Variants in CCDC171 observed in about 807,000 individuals in gnomAD.
CCDC171 encodes coiled-coil domain containing 171.
A neutral mutation model predicts 168.2 loss-of-function variants in CCDC171; 177 were observed. The ratio of observed to expected loss-of-function variants is 1.05; its 90% CI spans 0.93 to 1.19. The LOEUF (loss-of-function observed/expected upper bound fraction) is 1.19. Among genes scored for constraint, CCDC171 ranks in the 50% most tolerant of loss-of-function variants. CCDC171 has a pLI of 0.00. For missense variants in CCDC171, 1,991 were observed against 1,539.0 expected, an observed-to-expected ratio of 1.29 and a Z score of -4.91; for synonymous variants, 687 against 540.8, an observed-to-expected ratio of 1.27 and a Z score of -3.75.
At chr9:15,626,077 G>C (rs1271826023) in intron 7 of CCDC171, among the ~76,000 whole-genome samples, 1 of 152,070 alleles carries the variant, frequency 6.6e-6, no homozygotes, top group Non-Finnish European at 1.5e-5. Flanking sequence ...TCTCTTTGTA[G>C]CAATCATGAT....
intron 11 of CCDC171, among the ~76,000 whole-genome samples, chr9:15,719,392 G>C (rs1265050754): frequency 1.9e-5 from 2 of 107,268 alleles, no homozygotes; most frequent in African/African-American, 6.9e-5. Flanking sequence ...AGGCTGGCGG[G>C]GGGGTGGGGG....
the CCDC171 span, among the ~76,000 whole-genome samples, chr9:16,105,852 G>A: frequency 6.6e-6 from 1 of 152,178 alleles, no homozygotes; most frequent in African/African-American, 2.4e-5. Flanking sequence ...GGGCATGTGT[G>A]TATGAGTTTG....
At chr9:16,064,857 G>T (rs1833974874), downstream of CCDC171, among the ~76,000 whole-genome samples, 1 of 152,190 alleles carries the variant, frequency 6.6e-6, no homozygotes, top group Non-Finnish European at 1.5e-5. Flanking sequence ...AGCCCTCGAA[G>T]TTCATGGTTT....
chr9:15,956,108 A>G (rs1829771211), intron 25 of CCDC171, among the ~76,000 whole-genome samples: 2 of 152,196 alleles, frequency 1.3e-5, no homozygotes, highest in Admixed American at 1.3e-4. Flanking sequence ...GCAGTGTTCA[A>G]TATAACAAAT....
chr9:15,670,177 T>A (rs992030128), intron 9 of CCDC171, among the ~76,000 whole-genome samples: 3 of 152,078 alleles, frequency 2.0e-5, no homozygotes, highest in Admixed American at 1.3e-4. Context: ...AGGAGCCAGC[T>A]TTTTTGTCCG....
At chr9:15,709,058 G>T (rs2052460246) in intron 11 of CCDC171, among the ~76,000 whole-genome samples, 1 of 152,090 alleles carries the variant, frequency 6.6e-6, no homozygotes, top group South Asian at 2.1e-4. Flanking sequence ...GGTACATTTA[G>T]AACAGAGTGG....
rs1252255537 is a variant in CCDC171, at chr9:15,817,536, C to T, written c.3268-29166C>T. On this transcript the variant is annotated intron_variant, in intron 21 of 25. Coordinates refer to ENST00000380701, the MANE Select transcript of CCDC171 (RefSeq NM_173550.4). ...CCAAAGGGCTTAACAAACAGCACAC[C>T]AGGAGATTATATCCAGCACCTGGCT... 1.7e-5 allele frequency among the ~76,000 whole-genome samples: 2 copies of T among 118,596 alleles called. 1 individual carries two copies. Among genetic ancestry groups the T allele is most frequent in the African/African-American group, 6.3e-5 (2 of 31,684 alleles). The allele number at this position is 118,596 out of a possible 152,430, so 77.8% of individuals were successfully genotyped here.
chr9:15,902,041 C>T (rs1173961500), intron 24 of CCDC171, among the ~76,000 whole-genome samples: 1 of 152,002 alleles, frequency 6.6e-6, no homozygotes, highest in Non-Finnish European at 1.5e-5. Context: ...TAGAACTTTT[C>T]TTTGATGGCA....
chr9:16,000,025 T>C (rs1474142914), intron 3 of CCDC171, among the ~76,000 whole-genome samples: 1 of 152,172 alleles, frequency 6.6e-6, no homozygotes, highest in African/African-American at 2.4e-5. Flanking sequence ...CAAAATCTAA[T>C]ATTTATGGCA....
intron 6 of CCDC171, among the ~76,000 whole-genome samples, chr9:15,615,833 C>T (rs2044040847): frequency 1.3e-5 from 2 of 150,870 alleles, no homozygotes; most frequent in South Asian, 4.2e-4. Context: ...GGCTGGAGTG[C>T]AGTGGCATGA....
rs1482851744 is a variant in CCDC171 at position 15,777,589 on chromosome 9, T to G, written c.2672-11T>G. 1 of 1,584,234 alleles carries G rather than the reference T, an allele frequency of 6.3e-7. No homozygotes were observed. Among genetic ancestry groups the G allele is most frequent in the African/African-American group, 1.4e-5 (1 of 73,488 alleles). On this transcript the variant is annotated splice_polypyrimidine_tract_variant and intron_variant, in intron 18 of 25. Transcript: ENST00000380701. ...TCACATTTTTGTGCCTTTTTTTCTT[T>G]TTCTTTGAAGATCCAAATTCCAGAA...
At chr9:15,750,730 C>A (rs1354451315) in intron 18 of CCDC171, among the ~76,000 whole-genome samples, 2 of 152,128 alleles carry the variant, frequency 1.3e-5, no homozygotes, top group East Asian at 3.8e-4. Context: ...ATTCAACAGC[C>A]CTTCATGCTA....
Position 15,777,746 on chromosome 9 carries a change from G to A in CCDC171, c.2818G>A (p.Val940Ile). The A allele has an allele frequency of 3.7e-6, 6 of 1,613,964 alleles. No homozygotes were observed. The highest frequency in any genetic ancestry group is 4.2e-6 in the Non-Finnish European group (5 of 1,180,006). ...SITYVEKDSL[V>I]QRLAHGLHKV... ...TACATATGTAGAAAAAGATTCCCTG[G>A]TTCAGAGGCTGGCCCATGGACTTCA... Residue 940 changes from valine (V) to isoleucine (I), a missense_variant, in exon 19 of 26, where the codon GTT (valine) becomes ATT (isoleucine). Val to Ile is a conservative substitution (Grantham distance 29, BLOSUM62 3). Transcript: ENST00000380701.
chr9:15,967,156 A>C (rs1261945538), intron 25 of CCDC171, among the ~76,000 whole-genome samples: 1 of 152,186 alleles, frequency 6.6e-6, no homozygotes, highest in Non-Finnish European at 1.5e-5. Flanking sequence ...ATTTAGAAGA[A>C]AGAAAACTTT....
intron 11 of CCDC171, among the ~76,000 whole-genome samples, chr9:15,719,541 A>T (rs2053335899): frequency 6.6e-6 from 1 of 152,146 alleles, no homozygotes; most frequent in Admixed American, 6.5e-5. Flanking sequence ...CACCAAGCAG[A>T]TTTAACCCAA....
chr9:15,607,319 C>G (rs1435722001), intron 6 of CCDC171, among the ~76,000 whole-genome samples: 1 of 152,110 alleles, frequency 6.6e-6, no homozygotes, highest in African/African-American at 2.4e-5. Context: ...ACTTCAGCCC[C>G]AAAAGAATAA....
intron 25 of CCDC171, among the ~76,000 whole-genome samples, chr9:15,967,189 T>C (rs1336144252): frequency 6.6e-6 from 1 of 152,206 alleles, no homozygotes; most frequent in Non-Finnish European, 1.5e-5. Flanking sequence ...ATTGAGACTC[T>C]GGTAAGAGCA....
chr9:15,579,091 G>A (rs896868516), intron 4 of CCDC171, 68 bp downstream of exon 4: 2 of 1,255,266 alleles, frequency 1.6e-6, no homozygotes, highest in African/African-American at 3.0e-5. Flanking sequence ...CCTCGCTGTT[G>A]TGTGTACATC....
chr9:15,727,646 C>T (rs1261722288), intron 14 of CCDC171, among the ~76,000 whole-genome samples: 2 of 152,092 alleles, frequency 1.3e-5, no homozygotes. Flanking sequence ...TTCTGGCTTC[C>T]AGACTTCAGA....
Sources: gnomAD v4.1 joint callset for allele counts (sites outside exome capture counted in the v4.1 genomes callset) on GRCh38, gnomAD v4.1.1 for gene constraint, MANE v1.5 for transcripts, NCBI Gene and HGNC (gene_info 2026-07-23, HGNC 2026-07-21) for gene names.